Variants in PCDH11X observed in about 807,000 individuals in gnomAD.
PCDH11X encodes the protein protocadherin-11 X-linked.
PCDH11X carries 18 observed loss-of-function variants against 53.3 expected under a neutral mutation model. That is an observed-to-expected ratio of 0.34 (90% CI 0.23 to 0.50). The LOEUF (loss-of-function observed/expected upper bound fraction) is 0.50. Ranked by LOEUF, PCDH11X falls within the 20% of genes least tolerant of loss-of-function variation. The probability of loss-of-function intolerance (pLI) is 0.98; values close to 1 mark genes in which losing one functional copy is unlikely to be tolerated. For missense variants in PCDH11X, 570 were observed against 1,032.4 expected, an observed-to-expected ratio of 0.55 and a Z score of 6.14; for synonymous variants, 279 against 393.3, an observed-to-expected ratio of 0.71 and a Z score of 3.44.
At chrX:91,993,092 G>A (rs776544336) in intron 6 of PCDH11X, among the ~76,000 whole-genome samples, 8 of 112,278 alleles carry the variant, frequency 7.1e-5, no homozygotes, top group Non-Finnish European at 1.3e-4. Flanking sequence ...TTATCAGGAA[G>A]CAATAAAAAT....
At chrX:91,894,466 A>G (rs942261985) in intron 6 of PCDH11X, among the ~76,000 whole-genome samples, 1 of 111,835 alleles carries the variant, frequency 8.9e-6, no homozygotes, top group African/African-American at 3.2e-5. Context: ...GTGGTGTTTT[A>G]GATTTTCTTG....
At chrX:92,195,917 A>C (rs769506156) in intron 6 of PCDH11X, among the ~76,000 whole-genome samples, 12 of 112,287 alleles carry the variant, frequency 1.1e-4, no homozygotes, top group African/African-American at 3.5e-4. Context: ...TAATTCTGCT[A>C]AATGTGTGCC....
intron 6 of PCDH11X, among the ~76,000 whole-genome samples, chrX:91,972,092 C>T (rs1446112647): frequency 9.3e-6 from 1 of 108,101 alleles, no homozygotes; most frequent in Non-Finnish European, 1.9e-5. Context: ...TATTTCTCCA[C>T]ATCCTCTCCA....
At chrX:92,327,949 A>G (rs1294918475) in intron 8 of PCDH11X, among the ~76,000 whole-genome samples, 1 of 102,018 alleles carries the variant, frequency 9.8e-6, no homozygotes, top group Non-Finnish European at 2.0e-5. Flanking sequence ...ACTTAAAGTA[A>G]TAATTACTTT....
intron 10 of PCDH11X, among the ~76,000 whole-genome samples, chrX:92,593,584 C>A (rs6619081): frequency 9.1e-6 from 1 of 110,235 alleles, no homozygotes; most frequent in South Asian, 3.8e-4. Context: ...TAAAAAAAAA[C>A]TTTCTTAAAA....
At chrX:92,348,537 TTATTA>T in intron 8 of PCDH11X, among the ~76,000 whole-genome samples, 1 of 105,830 alleles carries the variant, frequency 9.4e-6, no homozygotes, top group Middle Eastern at 4.8e-3. Flanking sequence ...ATTATTATTA[TTATTA>T]TTATTATTTT....
chrX:91,893,577 T>C (rs758520098), intron 6 of PCDH11X, among the ~76,000 whole-genome samples: 1 of 110,320 alleles, frequency 9.1e-6, no homozygotes, highest in African/African-American at 3.3e-5. Flanking sequence ...CAAATCTATA[T>C]TGACGACTAT....
chrX:91,866,628 G>A (rs1332622559), intron 5 of PCDH11X, among the ~76,000 whole-genome samples: 1 of 110,653 alleles, frequency 9.0e-6, no homozygotes, highest in Non-Finnish European at 1.9e-5. Context: ...AGTGGCTTCG[G>A]TGATTCAACT....
chrX:92,262,095 GA>G (rs1271295073), intron 7 of PCDH11X, among the ~76,000 whole-genome samples: 1 of 109,036 alleles, frequency 9.2e-6, no homozygotes, highest in Non-Finnish European at 1.9e-5. Flanking sequence ...TAAAATGATA[GA>G]AAAAAATATA....
chrX:91,832,606 C>T (rs1194839825), intron 4 of PCDH11X, among the ~76,000 whole-genome samples: 21 of 106,055 alleles, frequency 2.0e-4, no homozygotes, highest in Non-Finnish European at 3.3e-4. Context: ...AACAAACCTG[C>T]ATGTTGTGCA....
At chrX:92,162,295 G>A (rs34692799) in intron 6 of PCDH11X, among the ~76,000 whole-genome samples, 4 of 107,921 alleles carry the variant, frequency 3.7e-5, no homozygotes, top group African/African-American at 1.0e-4. Flanking sequence ...GGGTTCAAGC[G>A]ATTCTCCTGT....
intron 6 of PCDH11X, among the ~76,000 whole-genome samples, chrX:91,977,532 T>C (rs2062062934): frequency 8.9e-6 from 1 of 111,789 alleles, no homozygotes; most frequent in Admixed American, 9.5e-5. Context: ...TCCTTAGCTA[T>C]GAGTGAACTG....
At chrX:91,819,685 T>C (rs1936577102) in intron 4 of PCDH11X, among the ~76,000 whole-genome samples, 1 of 107,095 alleles carries the variant, frequency 9.3e-6, no homozygotes, top group South Asian at 4.1e-4. Context: ...TTTTTTATTA[T>C]TATACTTTAA....
chrX:92,282,792 G>A (rs2068278311), intron 8 of PCDH11X, among the ~76,000 whole-genome samples: 1 of 111,092 alleles, frequency 9.0e-6, no homozygotes, highest in Non-Finnish European at 1.9e-5. Context: ...TTTCTGCTGG[G>A]AAGCTATGGG....
chrX:92,339,987 CA>C (rs1465435958), intron 8 of PCDH11X, among the ~76,000 whole-genome samples: 1 of 111,487 alleles, frequency 9.0e-6, no homozygotes, highest in Non-Finnish European at 1.9e-5. Flanking sequence ...TAAAATCAAG[CA>C]AGTTATTTGC....
At chrX:91,921,343 G>A (rs1227170719) in intron 6 of PCDH11X, among the ~76,000 whole-genome samples, 1 of 110,418 alleles carries the variant, frequency 9.1e-6, no homozygotes, top group Non-Finnish European at 1.9e-5. Context: ...GTTTACATTG[G>A]GGTTCACTCT....
At chrX:92,437,169 T>C (rs1222981381) in intron 9 of PCDH11X, among the ~76,000 whole-genome samples, 1 of 110,182 alleles carries the variant, frequency 9.1e-6, no homozygotes, top group Admixed American at 9.7e-5. Flanking sequence ...AAATATGAAG[T>C]GGCAAGGATA....
intron 8 of PCDH11X, among the ~76,000 whole-genome samples, chrX:92,299,117 G>A (rs1206189351): frequency 9.0e-6 from 1 of 110,662 alleles, no homozygotes; most frequent in East Asian, 2.9e-4. Flanking sequence ...CTTGTTTGTG[G>A]AGGCCTGCGG....
At chrX:91,818,535 T>TAA (rs60052708) in intron 4 of PCDH11X, among the ~76,000 whole-genome samples, 1 of 100,515 alleles carries the variant, frequency 9.9e-6, no homozygotes, top group Non-Finnish European at 2.0e-5. Flanking sequence ...CCATCTCTAC[T>TAA]AAAAAAAAAA....
Sources: allele counts gnomAD v4.1 joint callset (sites outside exome capture counted in the v4.1 genomes callset), GRCh38; gene constraint gnomAD v4.1.1; transcripts MANE v1.5; gene names NCBI Gene and HGNC (gene_info 2026-07-23, HGNC 2026-07-21).